DNAH8: variants seen among roughly 807,000 people sequenced by gnomAD.
DNAH8 encodes the protein dynein axonemal heavy chain 8, also known as axonemal beta dynein heavy chain 8.
In DNAH8, 382 loss-of-function variants were observed where a neutral mutation model predicts 562.1. That is an observed-to-expected ratio of 0.68 (90% CI 0.63 to 0.74). DNAH8 has a LOEUF of 0.74. Ranked by LOEUF, DNAH8 falls within the 30% of genes least tolerant of loss-of-function variation. DNAH8 has a pLI of 0.00. For missense variants in DNAH8, 5,203 were observed against 5,620.4 expected (o/e 0.93, Z 2.37); for synonymous variants, 1,881 against 1,919.4 (o/e 0.98, Z 0.52).
chr6:38,809,370 A>G (rs2150310189), intron 24 of DNAH8, among the ~76,000 whole-genome samples: 1 of 152,234 alleles, frequency 6.6e-6, no homozygotes, highest in South Asian at 2.1e-4. Flanking sequence ...TGTAGTTTTG[A>G]CCTTTATATT....
At chr6:38,887,089 C>T (rs1254265090) in intron 57 of DNAH8, 85 bp downstream of exon 57, 1 of 989,780 alleles carries the variant, frequency 1.0e-6, no homozygotes, top group Non-Finnish European at 1.5e-6. Context: ...CAAAAAGGCT[C>T]TGTCTAAAGT....
chr6:38,791,878 T>C (rs553335364), intron 21 of DNAH8, among the ~76,000 whole-genome samples: 8 of 152,292 alleles, frequency 5.3e-5, no homozygotes, highest in Admixed American at 3.3e-4. Context: ...ATTTTGTTGA[T>C]ATCCTCAGCC....
intron 1 of DNAH8, among the ~76,000 whole-genome samples, chr6:38,721,622 G>A (rs1284862258): frequency 6.6e-6 from 1 of 152,168 alleles, no homozygotes; most frequent in Admixed American, 6.6e-5. Context: ...CACATTCTAG[G>A]GGACAGTGGG....
chr6:38,871,552 G>T (rs537873434), intron 49 of DNAH8, among the ~76,000 whole-genome samples: 14 of 152,186 alleles, frequency 9.2e-5, no homozygotes, highest in African/African-American at 2.4e-4. Flanking sequence ...GTTTACAATG[G>T]TAATACATTT....
chr6:38,821,171 A>C (rs1772796620), intron 26 of DNAH8, among the ~76,000 whole-genome samples: 1 of 152,256 alleles, frequency 6.6e-6, no homozygotes, highest in African/African-American at 2.4e-5. Flanking sequence ...ATACAGGATT[A>C]ATATACAGAT....
intron 88 of DNAH8, among the ~76,000 whole-genome samples, chr6:38,996,031 G>A (rs1054082094): frequency 6.6e-6 from 1 of 152,196 alleles, no homozygotes; most frequent in Non-Finnish European, 1.5e-5. Context: ...CAGAGCCAGA[G>A]GCTCCTCTTC....
intron 24 of DNAH8, among the ~76,000 whole-genome samples, chr6:38,810,436 AC>A (rs1449286194): frequency 6.6e-6 from 1 of 152,120 alleles, no homozygotes; most frequent in Non-Finnish European, 1.5e-5. Flanking sequence ...TACTAAAAAT[AC>A]AAAAAGTAGG....
In DNAH8 at chr6:38,984,511, G is replaced by T. The variant is rs35676616; in HGVS notation, c.13053+204G>T. The T allele has an allele frequency of 0.56, 297,265 of 531,800 alleles. 87,037 individuals are homozygous for T. The highest frequency in any genetic ancestry group is 0.64 in the Middle Eastern group (1,264 of 1,984). The allele number at this position is 531,800 out of a possible 1,614,324, so 32.9% of individuals were successfully genotyped here. ...ACACACACACAACAACCAGCAATTGGGCCAGGCATGGTGGCTCACGCCTGT... is the reference window on the plus strand; with the variant it reads ...ACACACACACAACAACCAGCAATTGTGCCAGGCATGGTGGCTCACGCCTGT... On this transcript the variant is annotated intron_variant, in intron 87 of 92. Transcript: ENST00000327475.
chr6:38,951,802 C>CGT (rs1761927917), intron 82 of DNAH8, among the ~76,000 whole-genome samples: 1 of 151,810 alleles, frequency 6.6e-6, no homozygotes, highest in African/African-American at 2.4e-5. Flanking sequence ...GGATAGCTGA[C>CGT]TAACAAGAAT....
intron 1 of DNAH8, among the ~76,000 whole-genome samples, chr6:38,715,921 A>AT (rs1762251996): frequency 2.3e-5 from 1 of 43,430 alleles, no homozygotes; most frequent in African/African-American, 1.4e-4. Flanking sequence ...TAAATAAATA[A>AT]ATAAATATAT....
intron 32 of DNAH8, 72 bp downstream of exon 32, chr6:38,834,713 T>G: frequency 1.7e-6 from 2 of 1,211,004 alleles, no homozygotes; most frequent in Non-Finnish European, 2.4e-6. Flanking sequence ...AGATGGAGGT[T>G]TTACTTTTTA....
intron 15 of DNAH8, among the ~76,000 whole-genome samples, chr6:38,780,752 G>C (rs1768502885): frequency 6.6e-6 from 1 of 152,064 alleles, no homozygotes. Flanking sequence ...TAACACCTGG[G>C]TGATGAAAAA....
At chr6:38,999,934 A>AACAAACAC (rs1554160091) in intron 88 of DNAH8, among the ~76,000 whole-genome samples, 12 of 146,662 alleles carry the variant, frequency 8.2e-5, no homozygotes, top group African/African-American at 3.0e-4. Context: ...CACACACACA[A>AACAAACAC]ACACACACAC....
chr6:38,917,538 C>T (rs893590256), intron 69 of DNAH8, 132 bp downstream of exon 69: 21 of 752,882 alleles, frequency 2.8e-5, no homozygotes, highest in African/African-American at 3.5e-5. Context: ...TCTTAAACTC[C>T]ATCACCTAAA....
At chr6:39,005,839 C>G (rs191128821) in intron 88 of DNAH8, among the ~76,000 whole-genome samples, 2 of 152,212 alleles carry the variant, frequency 1.3e-5, no homozygotes, top group South Asian at 2.1e-4. Flanking sequence ...ATAATCTGCT[C>G]TTTCTCTCTG....
chr6:38,797,500 T>C (rs1770377920), intron 21 of DNAH8, among the ~76,000 whole-genome samples: 1 of 152,164 alleles, frequency 6.6e-6, no homozygotes, highest in Admixed American at 6.5e-5. Context: ...CTGTGTCCTC[T>C]CTCCCTCTCT....
At chr6:38,749,753 A>T (rs2127594248) in intron 8 of DNAH8, among the ~76,000 whole-genome samples, 1 of 152,340 alleles carries the variant, frequency 6.6e-6, no homozygotes, top group East Asian at 1.9e-4. Flanking sequence ...GTACTATTTG[A>T]TGACCACTTA....
At chr6:38,957,778 G>A (rs1339778644) in intron 82 of DNAH8, among the ~76,000 whole-genome samples, 1 of 147,876 alleles carries the variant, frequency 6.8e-6, no homozygotes, top group African/African-American at 2.5e-5. Context: ...ATTTCTTGAG[G>A]CAAGTGAAAA....
chr6:39,021,575 C>T (rs1336216469), intron 91 of DNAH8, among the ~76,000 whole-genome samples: 3 of 152,146 alleles, frequency 2.0e-5, no homozygotes, highest in Non-Finnish European at 4.4e-5. Flanking sequence ...CGGGGTTGAC[C>T]AACCCTATCT....
Sources: allele counts gnomAD v4.1 joint callset (sites outside exome capture counted in the v4.1 genomes callset), GRCh38; gene constraint gnomAD v4.1.1; transcripts MANE v1.5; gene names NCBI Gene and HGNC (gene_info 2026-07-23, HGNC 2026-07-21).